Variants in SORCS1 observed in about 807,000 individuals in gnomAD.
SORCS1 encodes VPS10 domain-containing receptor SorCS1.
Under a neutral mutation model 146.1 loss-of-function variants are expected in SORCS1, and 60 were observed. That is an observed-to-expected ratio of 0.41 (90% confidence interval 0.33 to 0.51). The LOEUF is 0.51. Among genes scored for constraint, SORCS1 ranks in the 20% least tolerant of loss-of-function variants. The pLI is 0.21. For synonymous variants in SORCS1, 637 were observed against 584.0 expected (o/e 1.09, Z -1.31); for missense variants, 1,352 against 1,487.6 (o/e 0.91, Z 1.50).
At chr10:106,739,765 TGTG>T (rs1247457161) in intron 5 of SORCS1, among the ~76,000 whole-genome samples, 22 of 151,674 alleles carry the variant, frequency 1.5e-4, no homozygotes, top group African/African-American at 5.1e-4. Flanking sequence ...TCCTGGCTAA[TGTG>T]GTGAAACCCC....
intron 23 of SORCS1, among the ~76,000 whole-genome samples, chr10:106,606,723 G>A (rs1388353698): frequency 6.6e-6 from 1 of 152,122 alleles, no homozygotes; most frequent in Non-Finnish European, 1.5e-5. Context: ...ATCCCCACTT[G>A]CCATGGGAAG....
intron 17 of SORCS1, among the ~76,000 whole-genome samples, chr10:106,659,225 C>T (rs951433242): frequency 1.1e-4 from 17 of 152,142 alleles, no homozygotes; most frequent in African/African-American, 2.2e-4. Context: ...TAGAAATTAG[C>T]GGATAGGCAT....
intron 2 of SORCS1, among the ~76,000 whole-genome samples, chr10:106,849,785 T>A (rs918132597): frequency 2.0e-5 from 3 of 151,546 alleles, no homozygotes; most frequent in Non-Finnish European, 4.4e-5. Flanking sequence ...CCTTTCTGTT[T>A]GTTAGTTTTC....
At chr10:107,024,017 C>A (rs1958272935) in intron 1 of SORCS1, among the ~76,000 whole-genome samples, 1 of 151,712 alleles carries the variant, frequency 6.6e-6, no homozygotes, top group African/African-American at 2.4e-5. Context: ...CTACTAAAGA[C>A]AGAAAAATTA....
intron 1 of SORCS1, among the ~76,000 whole-genome samples, chr10:107,067,173 T>C (rs539917197): frequency 1.6e-4 from 25 of 152,296 alleles, no homozygotes; most frequent in South Asian, 6.2e-4. Context: ...CTGGCATTCA[T>C]GGACTCACCT....
rs1849925920 is a variant in SORCS1 at position 106,652,324 on chromosome 10, T to C, written c.2475+58A>G. ...AAAAGATATGGAAACAAAACCATGGTTTATTAAGAAAAATCACTGGCCCTA... is the reference window on the plus strand; with the variant it reads ...AAAAGATATGGAAACAAAACCATGGCTTATTAAGAAAAATCACTGGCCCTA... On this transcript the variant is annotated intron_variant, in intron 18 of 25. Transcript: ENST00000263054. 1.5e-5 allele frequency: 22 copies of C among 1,455,380 alleles called. No homozygotes were observed. In the South Asian group the frequency reaches 3.3e-4, roughly 22 times the overall value. The allele number at this position is 1,455,380 out of a possible 1,614,324, so 90.2% of individuals were successfully genotyped here.
chr10:106,823,850 A>G (rs1275417093), intron 3 of SORCS1, among the ~76,000 whole-genome samples: 3 of 152,194 alleles, frequency 2.0e-5, no homozygotes, highest in Non-Finnish European at 2.9e-5. Context: ...ACTTCAGACA[A>G]GTCACTAAAC....
At chr10:106,824,688 T>C (rs1948211455) in intron 3 of SORCS1, among the ~76,000 whole-genome samples, 1 of 151,580 alleles carries the variant, frequency 6.6e-6, no homozygotes. Context: ...AAGAAGTCAA[T>C]AATCAAACCC....
the SORCS1 span, among the ~76,000 whole-genome samples, chr10:107,169,972 T>C: frequency 0.01 from 1,557 of 152,282 alleles, 25 homozygotes; most frequent in African/African-American, 0.036. Context: ...TTATGTAAAC[T>C]CACATATGCA....
chr10:106,989,843 C>T (rs1436579414), intron 1 of SORCS1, among the ~76,000 whole-genome samples: 3 of 151,776 alleles, frequency 2.0e-5, no homozygotes, highest in East Asian at 1.9e-4. Context: ...CCCGCCACCA[C>T]GCCTGGCTAA....
rs200929353 is a variant in SORCS1 at position 106,829,642 on chromosome 10, G to C, written c.658C>G (p.Leu220Val). Reference sequence around the variant, plus strand: ...GTTTTCAAACCAACTTTATCATTCAGCTTCTCATAGGTTGTTCCATAATCG... The same window carrying C: ...GTTTTCAAACCAACTTTATCATTCACCTTCTCATAGGTTGTTCCATAATCG... The part of the protein sequence containing the change: ...STDYGTTYEK[L>V]NDKVGLKTIL... The change falls in exon 3 of 26, where the codon CTG (leucine) becomes GTG (valine). Residue 220 changes from leucine to valine, a missense_variant. Leu to Val is a conservative substitution (Grantham distance 32). Coordinates refer to ENST00000263054, the MANE Select transcript of SORCS1 (RefSeq NM_052918.5). 1.7e-5 allele frequency: 28 copies of C among 1,607,776 alleles called. No homozygotes were observed. In the Admixed American group the frequency reaches 4.2e-4, roughly 24 times the overall value.
chr10:106,976,185 T>C (rs554095749), intron 1 of SORCS1, among the ~76,000 whole-genome samples: 38 of 149,800 alleles, frequency 2.5e-4, no homozygotes, highest in Middle Eastern at 3.5e-3. Flanking sequence ...CAACCTCTTT[T>C]GACAGGGAAA....
intron 2 of SORCS1, among the ~76,000 whole-genome samples, chr10:106,873,490 G>C (rs1589604302): frequency 6.6e-6 from 1 of 152,096 alleles, no homozygotes; most frequent in South Asian, 2.1e-4. Flanking sequence ...AACACTGTTT[G>C]AGGAAGGTGA....
intron 4 of SORCS1, among the ~76,000 whole-genome samples, chr10:106,774,029 T>C (rs1437246048): frequency 6.6e-6 from 1 of 152,132 alleles, no homozygotes; most frequent in Non-Finnish European, 1.5e-5. Context: ...GTGATACCAA[T>C]TAGTGATTTT....
chr10:107,138,153 T>A (rs1027114685), intron 1 of SORCS1, among the ~76,000 whole-genome samples: 16 of 152,176 alleles, frequency 1.1e-4, no homozygotes, highest in African/African-American at 2.9e-4. Context: ...AATTTTTTTT[T>A]AAATAAAAGA....
intron 3 of SORCS1, among the ~76,000 whole-genome samples, chr10:106,797,379 AG>A (rs1946625387): frequency 6.6e-6 from 1 of 152,138 alleles, no homozygotes; most frequent in African/African-American, 2.4e-5. Context: ...AAGACTGAAA[AG>A]TAAACTACAT....
intron 2 of SORCS1, among the ~76,000 whole-genome samples, chr10:106,899,338 A>C (rs1951609415): frequency 6.6e-6 from 1 of 152,212 alleles, no homozygotes; most frequent in South Asian, 2.1e-4. Flanking sequence ...CATTAATAGG[A>C]GAAGAGTAAG....
chr10:106,868,807 T>C (rs946960061), intron 2 of SORCS1, among the ~76,000 whole-genome samples: 2 of 151,884 alleles, frequency 1.3e-5, no homozygotes, highest in African/African-American at 2.4e-5. Context: ...AAATCAACCA[T>C]AAAGCTAGCA....
chr10:106,952,966 G>T (rs1028013204), intron 2 of SORCS1, among the ~76,000 whole-genome samples: 6 of 151,848 alleles, frequency 4.0e-5, no homozygotes, highest in African/African-American at 1.5e-4. Flanking sequence ...CTGGGTGACA[G>T]GGTGAGATTC....
Sources: allele counts gnomAD v4.1 joint callset (sites outside exome capture counted in the v4.1 genomes callset), GRCh38; gene constraint gnomAD v4.1.1; transcripts MANE v1.5; gene names NCBI Gene and HGNC (gene_info 2026-07-23, HGNC 2026-07-21).